The following PLEKHG3 variants were observed in gnomAD, a reference collection of about 807,000 sequenced individuals.
PLEKHG3 encodes pleckstrin homology and RhoGEF domain containing G3.
In PLEKHG3, 62 loss-of-function variants were observed where a neutral mutation model predicts 94.9. The ratio of observed to expected loss-of-function variants is 0.65; its 90% CI spans 0.53 to 0.81. The LOEUF (loss-of-function observed/expected upper bound fraction) is 0.81. Among genes scored for constraint, PLEKHG3 ranks in the 30% least tolerant of loss-of-function variants. The pLI is 0.00. For synonymous variants in PLEKHG3, 614 were observed against 654.0 expected (o/e 0.94, Z 0.93); for missense variants, 1,461 against 1,619.3 (o/e 0.90, Z 1.68).
Position 64,737,358 on chromosome 14 carries a change from C to A in PLEKHG3, c.1387C>A (p.Arg463=), listed in dbSNP as rs755962656. 6.2e-7 allele frequency: 1 copy of A among 1,602,160 alleles called. No homozygotes were observed. Among genetic ancestry groups the A allele is most frequent in the African/African-American group, 1.3e-5 (1 of 74,606 alleles). ...GGACCCGGTGGTGATGTCTGCAGCC[C>A]GAGCAGCAGGAATGAAGGTAAAGGC... ...HLLRQLNEKA[R]AAGMKGKGRR... The change falls in exon 14 of 17, where the codon CGA becomes AGA. Residue 463 remains arginine (R), a splice_region_variant and synonymous_variant. Coordinates refer to ENST00000247226, the MANE Select transcript of PLEKHG3 (RefSeq NM_001308147.2).
rs1424395417 is a variant in PLEKHG3, at chr14:64,731,655, C to T, written c.1033-59C>T. On this transcript the variant is annotated intron_variant, in intron 8 of 16. Coordinates refer to ENST00000247226, the MANE Select transcript of PLEKHG3 (RefSeq NM_001308147.2). The surrounding 1 kb of genome is among the most constrained non-coding windows in gnomAD (Gnocchi z 6.1). ...CCAGCACCACCCTTCTGAGATCACC[C>T]TCCCTGCTTCCCCAGGCTGTCAACC... The T allele has an allele frequency of 1.3e-6, 2 of 1,513,126 alleles. No homozygotes were observed. The highest frequency in any genetic ancestry group is 3.3e-5 in the Admixed American group (2 of 59,862). The allele number at this position is 1,513,126 out of a possible 1,614,324, so 93.7% of individuals were successfully genotyped here.
In PLEKHG3 at chr14:64,727,510, G is replaced by GCCCCCCCCCCAGGCCACCCT; in HGVS notation, c.-39-78_-39-77insCCCCCAGGCCACCCTCCCCC. The GCCCCCCCCCCAGGCCACCCT allele has an allele frequency of 3.5e-6, 1 of 282,710 alleles. No individual in the cohort carries two copies. Among genetic ancestry groups the GCCCCCCCCCCAGGCCACCCT allele is most frequent in the Non-Finnish European group, 6.7e-6 (1 of 149,818 alleles). The allele number at this position is 282,710 out of a possible 1,614,324, so 17.5% of individuals were successfully genotyped here. A position where few individuals can be genotyped will look rare whatever the true frequency, so the allele number is the denominator to read the frequency against. The stretch of plus-strand genomic sequence containing the variant: ...TAAATAATACCTTCCCACCCCACCT[G>GCCCCCCCCCCAGGCCACCCT]CCCCCACCCCTGGCAACCGTCCCTC... On this transcript the variant is annotated intron_variant, in intron 1 of 16. Coordinates refer to ENST00000247226, the MANE Select transcript of PLEKHG3 (RefSeq NM_001308147.2). The surrounding 1 kb of genome is among the most constrained non-coding windows in gnomAD (Gnocchi z 6.0).
rs1377618604 is a variant in PLEKHG3 at position 64,738,540 on chromosome 14, T to G, written c.1405-202T>G. On this transcript the variant is annotated intron_variant, in intron 14 of 16. Coordinates refer to ENST00000247226, the MANE Select transcript of PLEKHG3 (RefSeq NM_001308147.2). The surrounding 1 kb of genome is among the most constrained non-coding windows in gnomAD (Gnocchi z 4.8). The stretch of plus-strand genomic sequence containing the variant: ...GGAGGGACAGAAAGGTGGGCTGAGG[T>G]TTTTTGAAGCTGCATGCCTGACAAG... 6.6e-6 allele frequency among the ~76,000 whole-genome samples: 1 copy of G among 151,766 alleles called. No homozygotes were observed. Among genetic ancestry groups the G allele is most frequent in the Non-Finnish European group, 1.5e-5 (1 of 67,914 alleles).
chr14:64,741,204 T>G lies in PLEKHG3; in HGVS notation c.1687T>G (p.Phe563Val). The change falls in exon 16 of 17, where the codon TTC (phenylalanine) becomes GTC (valine). Residue 563 changes from phenylalanine to valine, a missense_variant. Phe to Val is a conservative substitution (Grantham distance 50, BLOSUM62 -1). Transcript: ENST00000247226. Reference protein sequence around the residue: ...GMDPPGDMVDFVAAESTEDLK... With the variant: ...GMDPPGDMVDVVAAESTEDLK... The stretch of plus-strand genomic sequence containing the variant: ...GGACCCCCCAGGTGACATGGTGGAC[T>G]TCGTGGCAGCTGAGAGCACTGAGGA... 1 of 1,614,064 alleles carries G rather than the reference T, an allele frequency of 6.2e-7. No homozygotes were observed. The highest frequency in any genetic ancestry group is 8.5e-7 in the Non-Finnish European group (1 of 1,179,974).
chr14:64,710,116 A>G (rs2081043778), intron 1 of PLEKHG3, among the ~76,000 whole-genome samples: 1 of 152,150 alleles, frequency 6.6e-6, no homozygotes, highest in Admixed American at 6.5e-5. Context: ...GTTGGCCCCA[A>G]AGTGGACAGC....
Position 64,742,206 on chromosome 14 carries a change from G to A in PLEKHG3, c.2689G>A (p.Gly897Arg). 6.2e-7 allele frequency: 1 copy of A among 1,613,028 alleles called. No homozygotes were observed. Among genetic ancestry groups the A allele is most frequent in the Non-Finnish European group, 8.5e-7 (1 of 1,179,984 alleles). The change falls in exon 16 of 17, where the codon GGG (glycine) becomes AGG (arginine). Residue 897 changes from glycine (G) to arginine (R), a missense_variant. Physicochemically the swap from Gly to Arg is moderately radical, Grantham distance 125. Transcript: ENST00000247226. ...GAAGGAGCTGAGCAGCAGTACCCAG[G>A]GGGAGCTGGTGGCCCCACTGCACCC... ...LVKELSSSTQGELVAPLHPRI... is the reference protein window; with the variant it reads ...LVKELSSSTQRELVAPLHPRI...
chr14:64,749,108 G>C lies in PLEKHG3; in HGVS notation c.*5405G>C, dbSNP rs1014084019. 6 of 552,978 alleles carry C rather than the reference G, an allele frequency of 1.1e-5. No homozygotes were observed. Among genetic ancestry groups the C allele is most frequent in the African/African-American group, 8.2e-5 (4 of 48,782 alleles). 34.3% of individuals were successfully genotyped at this position (552,978 alleles called of 1,614,324 possible). ...CCTGTCCCTGGAGCGGAGCCAGCGCGGGCGAGGGCATGGAGGGGGCGTCGG... is the reference window on the plus strand; with the variant it reads ...CCTGTCCCTGGAGCGGAGCCAGCGCCGGCGAGGGCATGGAGGGGGCGTCGG... On this transcript the variant is annotated 3_prime_UTR_variant, in exon 17 of 17. Coordinates refer to ENST00000247226, the MANE Select transcript of PLEKHG3 (RefSeq NM_001308147.2). This position sits in a 1 kb window ranked among gnomAD's most constrained non-coding sequence, Gnocchi z 4.7.
rs950046985 is a variant in PLEKHG3 at position 64,716,850 on chromosome 14, G to A, written c.-39-10743G>A. On this transcript the variant is annotated intron_variant, in intron 1 of 16. Transcript: ENST00000247226. This position sits in a 1 kb window ranked among gnomAD's most constrained non-coding sequence, Gnocchi z 5.0. ...CTACACGTGTGCACCCCAGAATTGG[G>A]ATTGGGTAATACTGCCCCACCGGTC... Among the ~76,000 whole-genome samples, 1 of 152,170 alleles carries A rather than the reference G, an allele frequency of 6.6e-6. No homozygotes were observed. The highest frequency in any genetic ancestry group is 2.4e-5 in the African/African-American group (1 of 41,446).
chr14:64,730,677 C>T lies in PLEKHG3; in HGVS notation c.555C>T (p.Asn185=), dbSNP rs966012885. Residue 185 remains asparagine, a synonymous_variant, in exon 5 of 17, where the codon AAC becomes AAT. Transcript: ENST00000247226. The surrounding 1 kb of genome is among the most constrained non-coding windows in gnomAD (Gnocchi z 5.4). ...TTGATATCTACACTCAGTATTGCAA[C>T]AATTACCCCAAGTGAGTAATTGGGG... ...QEFDIYTQYC[N]NYPNSVAALT... is the part of the protein sequence containing the mutation. 1 of 1,613,440 alleles carries T rather than the reference C, an allele frequency of 6.2e-7. No homozygotes were observed. The highest frequency in any genetic ancestry group is 8.5e-7 in the Non-Finnish European group (1 of 1,179,336).
At position 64,743,907 on chromosome 14, in the gene PLEKHG3, C is replaced by T; in HGVS notation, c.*204C>T. 1 of 513,626 alleles carries T rather than the reference C, an allele frequency of 1.9e-6. No individual in the cohort carries two copies. Among genetic ancestry groups the T allele is most frequent in the Non-Finnish European group, 3.3e-6 (1 of 298,940 alleles). 31.8% of individuals were successfully genotyped at this position (513,626 alleles called of 1,614,324 possible). A position where few individuals can be genotyped will look rare whatever the true frequency, so the allele number is the denominator to read the frequency against. On this transcript the variant is annotated 3_prime_UTR_variant, in exon 17 of 17. Transcript: ENST00000247226. The surrounding 1 kb of genome is among the most constrained non-coding windows in gnomAD (Gnocchi z 7.2). Reference sequence around the variant, plus strand: ...TCCACTGGGGCTCGAGACAATTTCCCACTCACCTGTGAGGCCGGTGTGGCT... The same window carrying T: ...TCCACTGGGGCTCGAGACAATTTCCTACTCACCTGTGAGGCCGGTGTGGCT...
intron 1 of PLEKHG3, among the ~76,000 whole-genome samples, chr14:64,705,122 C>T (rs949703858): frequency 1.9e-4 from 29 of 152,198 alleles, no homozygotes; most frequent in African/African-American, 7.0e-4. Flanking sequence ...CTGCCAGCCC[C>T]GGAGGCGCCT....
At position 64,749,920 on chromosome 14, in the gene PLEKHG3, C is replaced by T; in HGVS notation, c.*6217C>T. On this transcript the variant is annotated 3_prime_UTR_variant, in exon 17 of 17. Transcript: ENST00000247226. This position sits in a 1 kb window ranked among gnomAD's most constrained non-coding sequence, Gnocchi z 4.7. ...CTGGTCCCCTACAGAGGGCCTCTGC[C>T]CTGCCACTAATGCCAAATCAAGCCA... is the stretch of plus-strand genomic sequence containing the variant. 2 of 1,609,986 alleles carry T rather than the reference C, an allele frequency of 1.2e-6. No homozygotes were observed. The highest frequency in any genetic ancestry group is 1.7e-6 in the Non-Finnish European group (2 of 1,176,440).
At chr14:64,719,263 A>G (rs1390206603) in intron 1 of PLEKHG3, among the ~76,000 whole-genome samples, 1 of 152,006 alleles carries the variant, frequency 6.6e-6, no homozygotes. Flanking sequence ...TGTGGGTCAA[A>G]CATGGTAGGT....
chr14:64,710,294 A>G (rs1027221824), intron 1 of PLEKHG3, among the ~76,000 whole-genome samples: 1 of 152,214 alleles, frequency 6.6e-6, no homozygotes, highest in African/African-American at 2.4e-5. Flanking sequence ...ATTTTTCTTC[A>G]TGCCAGTCTT....
Position 64,716,455 on chromosome 14 carries a change from C to CACA in PLEKHG3, c.-39-11137_-39-11135dup, listed in dbSNP as rs1566693794. The stretch of plus-strand genomic sequence containing the variant: ...GGCCCTACACACACACACACACACA[C>CACA]ACACACACACAACACACACACACAC... On this transcript the variant is annotated intron_variant, in intron 1 of 16. Coordinates refer to ENST00000247226, the MANE Select transcript of PLEKHG3 (RefSeq NM_001308147.2). The surrounding 1 kb of genome is among the most constrained non-coding windows in gnomAD (Gnocchi z 5.0). 7.2e-6 allele frequency among the ~76,000 whole-genome samples: 1 copy of CACA among 137,976 alleles called. No individual in the cohort carries two copies. The highest frequency in any genetic ancestry group is 1.6e-5 in the Non-Finnish European group (1 of 64,160). 90.5% of individuals were successfully genotyped at this position (137,976 alleles called of 152,430 possible).
At position 64,726,795 on chromosome 14, in the gene PLEKHG3, G is replaced by T. The variant is rs985402621; in HGVS notation, c.-39-798G>T. On this transcript the variant is annotated intron_variant, in intron 1 of 16. Transcript: ENST00000247226. The surrounding 1 kb of genome is among the most constrained non-coding windows in gnomAD (Gnocchi z 5.1). Reference sequence around the variant, plus strand: ...GGTGCTGGGGTGGGGCTGCGGAGTCGGGGGATAATGCTGGCTCAGCCAGTC... The same window carrying T: ...GGTGCTGGGGTGGGGCTGCGGAGTCTGGGGATAATGCTGGCTCAGCCAGTC... Among the ~76,000 whole-genome samples, 1 of 152,152 alleles carries T rather than the reference G, an allele frequency of 6.6e-6. No individual in the cohort carries two copies. The highest frequency in any genetic ancestry group is 6.5e-5 in the Admixed American group (1 of 15,280).
chr14:64,716,021 T>G lies in PLEKHG3; in HGVS notation c.-40+11317T>G, dbSNP rs1277121753. 1 of 456,160 alleles carries G rather than the reference T, an allele frequency of 2.2e-6. No individual in the cohort carries two copies. Among genetic ancestry groups the G allele is most frequent in the South Asian group, 1.5e-5 (1 of 64,550 alleles). 28.3% of individuals were successfully genotyped at this position (456,160 alleles called of 1,614,324 possible). ...CTGTTAACTGCTAGGTTGCCGGTGC[T>G]GGGGACAATGCGGCTGCCCGGCCCC... is the stretch of plus-strand genomic sequence containing the variant. On this transcript the variant is annotated intron_variant, in intron 1 of 16. Coordinates refer to ENST00000247226, the MANE Select transcript of PLEKHG3 (RefSeq NM_001308147.2). The surrounding 1 kb of genome is among the most constrained non-coding windows in gnomAD (Gnocchi z 5.0).
chr14:64,711,451 T>C (rs113033117), intron 1 of PLEKHG3, among the ~76,000 whole-genome samples: 3,482 of 152,014 alleles, frequency 0.023, 142 homozygotes, highest in African/African-American at 0.079. Flanking sequence ...TCTCACTCTG[T>C]TGCCCAGGCT....
At position 64,741,428 on chromosome 14, in the gene PLEKHG3, G is replaced by C. The variant is rs1308851731; in HGVS notation, c.1911G>C (p.Arg637=). The C allele has an allele frequency of 2.5e-6, 4 of 1,612,660 alleles. No homozygotes were observed. The highest frequency in any genetic ancestry group is 3.4e-6 in the Non-Finnish European group (4 of 1,180,000). The change falls in exon 16 of 17, where the codon CGG becomes CGC. Residue 637 remains arginine (R), a synonymous_variant. Coordinates refer to ENST00000247226, the MANE Select transcript of PLEKHG3 (RefSeq NM_001308147.2). ...TTGGGAGCCCGCGGCTGGTCAGCCGGAGCAGCAGCGTGCTCAGCCTGGAGG... is the reference window on the plus strand; with the variant it reads ...TTGGGAGCCCGCGGCTGGTCAGCCGCAGCAGCAGCGTGCTCAGCCTGGAGG... ...SGFGSPRLVS[R]SSSVLSLEGS...
Sources: allele counts gnomAD v4.1 joint callset (sites outside exome capture counted in the v4.1 genomes callset), GRCh38; gene constraint gnomAD v4.1.1; non-coding constraint Gnocchi (gnomAD v3.1); transcripts MANE v1.5; gene names NCBI Gene and HGNC (gene_info 2026-07-23, HGNC 2026-07-21).